RGS12: variants seen among roughly 807,000 people sequenced by gnomAD.
RGS12 encodes regulator of G protein signaling 12.
Under a neutral mutation model 120.1 loss-of-function variants are expected in RGS12, and 66 were observed. The observed-to-expected ratio is 0.55, with a 90% confidence interval of 0.45 to 0.67. The LOEUF (loss-of-function observed/expected upper bound fraction) is 0.67. Ranked by LOEUF, RGS12 falls within the 30% of genes least tolerant of loss-of-function variation. RGS12 has a pLI of 0.00. For synonymous variants in RGS12, 827 were observed against 804.7 expected, an observed-to-expected ratio of 1.03 and a Z score of -0.47; for missense variants, 1,859 against 1,957.7, an observed-to-expected ratio of 0.95 and a Z score of 0.95.
chr4:3,359,933 A>AT (rs929550489), intron 3 of RGS12, among the ~76,000 whole-genome samples: 14 of 151,048 alleles, frequency 9.3e-5, no homozygotes, highest in East Asian at 3.9e-4. Context: ...ATACTTTTAC[A>AT]TTTTTTTTGT....
At chr4:3,417,603 G>A (rs757134282) in intron 9 of RGS12, 62 bp downstream of exon 9, 18 of 1,567,242 alleles carry the variant, frequency 1.1e-5, no homozygotes, top group Admixed American at 5.2e-5. Context: ...CCGTCCTGGC[G>A]TCGCTCTGGT....
rs537178201 is a variant in RGS12, at chr4:3,367,287, G to A, written c.1999-19129G>A. Among the ~76,000 whole-genome samples, 30 of 152,386 alleles carry A rather than the reference G, an allele frequency of 2.0e-4. No individual in the cohort carries two copies. The South Asian group carries it at 5.8e-3, about 29-fold the overall frequency. On this transcript the variant is annotated intron_variant, in intron 3 of 17. Transcript: ENST00000336727. ...GATCCGCGGTGGGCCTGCGTTGGAG[G>A]GCTGAGAACGGCTCGCCCTTTCCGA...
intron 3 of RGS12, among the ~76,000 whole-genome samples, chr4:3,369,183 C>T (rs73193371): frequency 2.0e-5 from 3 of 152,096 alleles, no homozygotes; most frequent in Admixed American, 6.5e-5. Flanking sequence ...GCCTGCCCCC[C>T]GCCCCTGCAG....
rs528604681 is a variant in RGS12, at chr4:3,417,162, G to T, written c.2607+70G>T. On this transcript the variant is annotated intron_variant, in intron 8 of 17. Transcript: ENST00000336727. ...CATCAGCTGAGAGCTGTTCTGTGGG[G>T]AGTGAAAAGAGGCCCTGTCGGCGTC... The T allele has an allele frequency of 5.0e-5, 73 of 1,457,176 alleles. No homozygotes were observed. The African/African-American group carries it at 8.1e-4, about 16-fold the overall frequency. 90.3% of individuals were successfully genotyped at this position (1,457,176 alleles called of 1,614,324 possible).
chr4:3,438,600 C>T (rs1433564407), intron 17 of RGS12, among the ~76,000 whole-genome samples: 2 of 152,162 alleles, frequency 1.3e-5, no homozygotes, highest in African/African-American at 4.8e-5. Context: ...GGGACTCCAC[C>T]CTGGCATAGA....
intron 3 of RGS12, chr4:3,370,175 G>A (rs1179861301): frequency 3.2e-6 from 5 of 1,571,122 alleles, no homozygotes; most frequent in East Asian, 4.6e-5. Context: ...GAACTTCATC[G>A]GAAATGCCTT....
At chr4:3,405,102 G>C (rs1720968372) in intron 4 of RGS12, among the ~76,000 whole-genome samples, 3 of 152,230 alleles carry the variant, frequency 2.0e-5, no homozygotes, top group Admixed American at 2.0e-4. Context: ...GTAACAGGAG[G>C]GGGGCTCTTA....
chr4:3,323,244 T>G (rs1433198024), intron 2 of RGS12, among the ~76,000 whole-genome samples: 1 of 152,248 alleles, frequency 6.6e-6, no homozygotes, highest in African/African-American at 2.4e-5. Flanking sequence ...GTTTTATTTC[T>G]TGCGGTGCAG....
chr4:3,387,691 C>T (rs1434130080), intron 4 of RGS12, among the ~76,000 whole-genome samples: 3 of 152,150 alleles, frequency 2.0e-5, no homozygotes, highest in Non-Finnish European at 2.9e-5. Context: ...AAACAGGACC[C>T]GGAACCAAAT....
Position 3,366,486 on chromosome 4 carries a change from G to A in RGS12, c.1999-19930G>A, listed in dbSNP as rs572431012. Among the ~76,000 whole-genome samples the A allele has an allele frequency of 1.1e-4, 17 of 152,278 alleles. No homozygotes were observed. The South Asian group carries it at 2.3e-3, about 20-fold the overall frequency. On this transcript the variant is annotated intron_variant, in intron 3 of 17. Transcript: ENST00000336727. This position sits in a 1 kb window ranked among gnomAD's most constrained non-coding sequence, Gnocchi z 4.0. ...CAGCAGAGGCGCTCCTCCAGTTCCC[G>A]CCTCTCTGCCTCGCACGCCCTCCTA...
Position 3,390,876 on chromosome 4 carries a change from A to G in RGS12, c.2020+4439A>G, listed in dbSNP as rs955345088. 6.6e-6 allele frequency among the ~76,000 whole-genome samples: 1 copy of G among 152,246 alleles called. No homozygotes were observed. The highest frequency in any genetic ancestry group is 1.5e-5 in the Non-Finnish European group (1 of 68,044). ...GACTTTAAACTGCATTCCTCTTTAAAATATAAAGTATAATTGTTGATATTT... is the reference window on the plus strand; with the variant it reads ...GACTTTAAACTGCATTCCTCTTTAAGATATAAAGTATAATTGTTGATATTT... On this transcript the variant is annotated intron_variant, in intron 4 of 17. Transcript: ENST00000336727. This position sits in a 1 kb window ranked among gnomAD's most constrained non-coding sequence, Gnocchi z 4.6.
chr4:3,299,293 G>C (rs1389722218), intron 1 of RGS12, among the ~76,000 whole-genome samples: 1 of 152,038 alleles, frequency 6.6e-6, no homozygotes, highest in Non-Finnish European at 1.5e-5. Context: ...CCTCCTTTCT[G>C]AGATATGCCC....
intron 1 of RGS12, among the ~76,000 whole-genome samples, chr4:3,294,471 A>G (rs892547256): frequency 6.6e-6 from 1 of 152,256 alleles, no homozygotes; most frequent in Non-Finnish European, 1.5e-5. Flanking sequence ...TCACAGTGCG[A>G]AGTTTCTTCC....
chr4:3,362,545 G>A (rs188978459), intron 3 of RGS12, among the ~76,000 whole-genome samples: 2 of 138,466 alleles, frequency 1.4e-5, no homozygotes, highest in Admixed American at 1.4e-4. Context: ...GAGGGTTTGT[G>A]TGAGGGTGTG....
rs1481220906 is a variant in RGS12 at position 3,389,784 on chromosome 4, G to A, written c.2020+3347G>A. 1.3e-5 allele frequency among the ~76,000 whole-genome samples: 2 copies of A among 152,176 alleles called. No homozygotes were observed. Among genetic ancestry groups the A allele is most frequent in the Non-Finnish European group, 2.9e-5 (2 of 68,010 alleles). On this transcript the variant is annotated intron_variant, in intron 4 of 17. Transcript: ENST00000336727. This position sits in a 1 kb window ranked among gnomAD's most constrained non-coding sequence, Gnocchi z 5.2. Reference sequence around the variant, plus strand: ...GGAACTGTGCGGCTCTGGCTTTGGGGGACGGTGGCAGGTCCACATGACACC... The same window carrying A: ...GGAACTGTGCGGCTCTGGCTTTGGGAGACGGTGGCAGGTCCACATGACACC...
At chr4:3,439,256 G>T (rs1725100644) in intron 17 of RGS12, among the ~76,000 whole-genome samples, 199 bp from the exon 18 acceptor site, 1 of 152,122 alleles carries the variant, frequency 6.6e-6, no homozygotes, top group African/African-American at 2.4e-5. Context: ...GAGGGCTCTG[G>T]GAACACTGCA....
In RGS12 at chr4:3,413,793, G is replaced by A. The variant is rs906118570; in HGVS notation, c.2021-279G>A. 7 of 415,490 alleles carry A rather than the reference G, an allele frequency of 1.7e-5. No individual in the cohort carries two copies. The East Asian group carries it at 2.5e-4, about 15-fold the overall frequency. 25.7% of individuals were successfully genotyped at this position (415,490 alleles called of 1,614,324 possible). ...TGTGAGCATATGAGTGTGCGTGCAA[G>A]GGTGCTGTGTGGGCCTGCACATGTG... On this transcript the variant is annotated intron_variant, in intron 4 of 17. Coordinates refer to ENST00000336727, the MANE Select transcript of RGS12 (RefSeq NM_001394154.1).
intron 2 of RGS12, among the ~76,000 whole-genome samples, chr4:3,335,823 C>T (rs944597894): frequency 2.0e-5 from 3 of 152,082 alleles, no homozygotes; most frequent in African/African-American, 7.2e-5. Flanking sequence ...GGCGTGGTGG[C>T]TCATACCTGT....
At chr4:3,341,060 G>A (rs1026429398) in intron 2 of RGS12, among the ~76,000 whole-genome samples, 5 of 151,006 alleles carry the variant, frequency 3.3e-5, no homozygotes, top group African/African-American at 7.3e-5. Flanking sequence ...CAGTGGTGGC[G>A]TCCCTCCCCG....
Sources: gnomAD v4.1 joint callset for allele counts (sites outside exome capture counted in the v4.1 genomes callset) on GRCh38, gnomAD v4.1.1 for gene constraint, Gnocchi (gnomAD v3.1) non-coding constraint, MANE v1.5 for transcripts, NCBI Gene and HGNC (gene_info 2026-07-23, HGNC 2026-07-21) for gene names.